The following ROBO3 variants were observed in gnomAD, a reference collection of about 807,000 sequenced individuals.
ROBO3 encodes the protein roundabout guidance receptor 3, also known as roundabout homolog 3.
ROBO3 carries 97 observed loss-of-function variants against 160.5 expected under a neutral mutation model. The ratio of observed to expected loss-of-function variants is 0.60; its 90% CI spans 0.51 to 0.72. The LOEUF is 0.72. Among genes scored for constraint, ROBO3 ranks in the 30% least tolerant of loss-of-function variants. The pLI, the probability that ROBO3 is intolerant of heterozygous loss-of-function variation, is 0.00. For synonymous variants in ROBO3, 780 were observed against 746.2 expected (o/e 1.05, Z -0.74); for missense variants, 1,858 against 1,846.5 (o/e 1.01, Z -0.11).
rs776916247 is a variant in ROBO3 at position 124,877,498 on chromosome 11, C to G, written c.2847-21C>G. ...GCCTCTTCAGGCTCTCCGTCCCCAACGCTCACCTGCTCTCCCTCAGGCCAC... is the reference window on the plus strand; with the variant it reads ...GCCTCTTCAGGCTCTCCGTCCCCAAGGCTCACCTGCTCTCCCTCAGGCCAC... On this transcript the variant is annotated intron_variant, in intron 19 of 27. Coordinates refer to ENST00000397801, the MANE Select transcript of ROBO3 (RefSeq NM_022370.4). 9 of 1,600,038 alleles carry G rather than the reference C, an allele frequency of 5.6e-6. No homozygotes were observed. The East Asian group carries it at 9.1e-5, about 16-fold the overall frequency.
chr11:124,875,677 G>C lies in ROBO3; in HGVS notation c.2413G>C (p.Glu805Gln). 6.2e-7 allele frequency: 1 copy of C among 1,607,494 alleles called. No individual in the cohort carries two copies. The highest frequency in any genetic ancestry group is 1.7e-5 in the Admixed American group (1 of 58,542). Residue 805 changes from glutamate to glutamine, a missense_variant, in exon 15 of 28, where the codon GAA becomes CAA. Glu to Gln is a conservative substitution (Grantham distance 29). Coordinates refer to ENST00000397801, the MANE Select transcript of ROBO3 (RefSeq NM_022370.4). ...CTCCCAGCAAAATGGGGTCATCACG[G>C]AATACCAGGTAGAGGGATTGAGGAG... ...LPSQQNGVIT[E>Q]YQIWCLGNES...
intron 6 of ROBO3, 124 bp downstream of exon 6, chr11:124,870,852 G>C (rs1284848098): frequency 6.6e-7 from 1 of 1,519,964 alleles, no homozygotes; most frequent in Non-Finnish European, 9.0e-7. Flanking sequence ...TGAGACTTCT[G>C]CAAGGAGTGG....
rs1946306421 is a variant in ROBO3 at position 124,873,494 on chromosome 11, C to G, written c.1618+103C>G. 1.7e-6 allele frequency: 2 copies of G among 1,146,158 alleles called. No homozygotes were observed. Among genetic ancestry groups the G allele is most frequent in the Non-Finnish European group, 2.6e-6 (2 of 782,954 alleles). The allele number at this position is 1,146,158 out of a possible 1,614,324, so 71.0% of individuals were successfully genotyped here. Reference sequence around the variant, plus strand: ...AAACTCCGGGATTAACTTTATGTCACAAATGCCATGGTTACGGTGGTGAGG... The same window carrying G: ...AAACTCCGGGATTAACTTTATGTCAGAAATGCCATGGTTACGGTGGTGAGG... On this transcript the variant is annotated intron_variant, in intron 10 of 27. Coordinates refer to ENST00000397801, the MANE Select transcript of ROBO3 (RefSeq NM_022370.4). This position sits in a 1 kb window ranked among gnomAD's most constrained non-coding sequence, Gnocchi z 4.5.
chr11:124,875,884 G>C, intron 15 of ROBO3, 70 bp from the exon 16 acceptor site: 1 of 1,524,872 alleles, frequency 6.6e-7, no homozygotes, highest in Non-Finnish European at 8.9e-7. Context: ...CTACCATTTG[G>C]AGCCTTAAGT....
Position 124,874,834 on chromosome 11 carries a change from G to A in ROBO3, c.1998G>A (p.Gln666=), listed in dbSNP as rs1000566338. The A allele has an allele frequency of 1.2e-6, 2 of 1,603,560 alleles. No individual in the cohort carries two copies. Among genetic ancestry groups the A allele is most frequent in the Admixed American group, 1.7e-5 (1 of 58,428 alleles). The stretch of plus-strand genomic sequence containing the variant: ...TGGAGGACCCATGGAGAGGCCAGCA[G>A]GGACTGGCGGAAGTGGCTGTGCGCC... ...RPVEDPWRGQ[Q]GLAEVAVRLQ... Residue 666 remains glutamine (Q), a synonymous_variant, in exon 13 of 28, where the codon CAG becomes CAA. Coordinates refer to ENST00000397801, the MANE Select transcript of ROBO3 (RefSeq NM_022370.4).
chr11:124,877,288 G>T lies in ROBO3; in HGVS notation c.2825G>T (p.Gly942Val). 3 of 1,613,890 alleles carry T rather than the reference G, an allele frequency of 1.9e-6. No individual in the cohort carries two copies. Among genetic ancestry groups the T allele is most frequent in the Non-Finnish European group, 2.5e-6 (3 of 1,179,860 alleles). Residue 942 changes from glycine to valine, a missense_variant, in exon 19 of 28, where the codon GGC becomes GTC. Physicochemically the swap from Gly to Val is moderately radical, Grantham distance 109. Coordinates refer to ENST00000397801, the MANE Select transcript of ROBO3 (RefSeq NM_022370.4). ...CCAGTGTCCTTCCCGCACTCAGAGGGCCTCTCTGGAGCCAGTTCCAGGTAA... is the reference window on the plus strand; with the variant it reads ...CCAGTGTCCTTCCCGCACTCAGAGGTCCTCTCTGGAGCCAGTTCCAGGTAA... ...TPAVSFPHSE[G>V]LSGASSRPPM...
rs1946256386 is a variant in ROBO3 at position 124,869,878 on chromosome 11, C to T, written c.646-70C>T. The T allele has an allele frequency of 5.3e-6, 8 of 1,503,528 alleles. No homozygotes were observed. In the South Asian group the frequency reaches 9.6e-5, roughly 18 times the overall value. The allele number at this position is 1,503,528 out of a possible 1,614,324, so 93.1% of individuals were successfully genotyped here. ...TAAACTTTATACATATGTATATACACATATATTCACCATATATATATACGC... is the reference window on the plus strand; with the variant it reads ...TAAACTTTATACATATGTATATACATATATATTCACCATATATATATACGC... On this transcript the variant is annotated intron_variant, in intron 3 of 27. Coordinates refer to ENST00000397801, the MANE Select transcript of ROBO3 (RefSeq NM_022370.4). This position sits in a 1 kb window ranked among gnomAD's most constrained non-coding sequence, Gnocchi z 4.2.
rs1215803284 is a variant in ROBO3, at chr11:124,879,584, G to T, written c.3796+9G>T. On this transcript the variant is annotated intron_variant, in intron 25 of 27. Coordinates refer to ENST00000397801, the MANE Select transcript of ROBO3 (RefSeq NM_022370.4). ...GGAGAACAGTCCTGGGGGTGAGGGG[G>T]GATGCACCTGGGAGATGGTGACAGT... 6.2e-7 allele frequency: 1 copy of T among 1,605,602 alleles called. No individual in the cohort carries two copies. Among genetic ancestry groups the T allele is most frequent in the East Asian group, 2.2e-5 (1 of 44,766 alleles).
chr11:124,880,819 C>T (rs537352422), intron 27 of ROBO3, among the ~76,000 whole-genome samples: 18 of 152,092 alleles, frequency 1.2e-4, no homozygotes, highest in South Asian at 2.1e-4. Flanking sequence ...TTTGGGAGAC[C>T]GAGATGGGCG....
chr11:124,873,434 C>G lies in ROBO3; in HGVS notation c.1618+43C>G. 1 of 1,520,940 alleles carries G rather than the reference C, an allele frequency of 6.6e-7. No homozygotes were observed. The highest frequency in any genetic ancestry group is 9.0e-7 in the Non-Finnish European group (1 of 1,108,882). The allele number at this position is 1,520,940 out of a possible 1,614,324, so 94.2% of individuals were successfully genotyped here. ...TCCCTTATTTTGATAATACCTTCCTCCAAACCTGCTTCAACAGGTAGTCGA... is the reference window on the plus strand; with the variant it reads ...TCCCTTATTTTGATAATACCTTCCTGCAAACCTGCTTCAACAGGTAGTCGA... On this transcript the variant is annotated intron_variant, in intron 10 of 27. Coordinates refer to ENST00000397801, the MANE Select transcript of ROBO3 (RefSeq NM_022370.4). The surrounding 1 kb of genome is among the most constrained non-coding windows in gnomAD (Gnocchi z 4.5).
rs1208802514 is a variant in ROBO3 at position 124,870,193 on chromosome 11, G to A, written c.795G>A (p.Val265=). ...LERPSFLRRP[V]NQVVLADAPV... is the part of the protein sequence containing the mutation. ...GTCCCTCATTCCTGCGCAGACCAGT[G>A]AATCAGGTGGTCCTGGCTGATGCCC... The change falls in exon 5 of 28, where the codon GTG becomes GTA. Residue 265 remains valine (V), a synonymous_variant. Transcript: ENST00000397801. 1 of 1,614,056 alleles carries A rather than the reference G, an allele frequency of 6.2e-7. No individual in the cohort carries two copies. Among genetic ancestry groups the A allele is most frequent in the East Asian group, 2.2e-5 (1 of 44,878 alleles).
rs1441882894 is a variant in ROBO3, at chr11:124,879,436, A to G, written c.3686-29A>G. ...TTTTTCCTGATTTTTGCCCTTACCC[A>G]TTCCTCTTCCCGTCTCCTAACACTG... On this transcript the variant is annotated intron_variant, in intron 24 of 27. Coordinates refer to ENST00000397801, the MANE Select transcript of ROBO3 (RefSeq NM_022370.4). 2.5e-6 allele frequency: 4 copies of G among 1,611,058 alleles called. No individual in the cohort carries two copies. The African/African-American group carries it at 5.4e-5, about 22-fold the overall frequency.
At chr11:124,875,370 G>A in intron 14 of ROBO3, 34 bp downstream of exon 14, 2 of 1,328,584 alleles carry the variant, frequency 1.5e-6, no homozygotes, top group Non-Finnish European at 2.1e-6. Flanking sequence ...GGATGGACAA[G>A]AGGGAAGAAG....
intron 26 of ROBO3, 108 bp downstream of exon 26, chr11:124,880,056 T>G (rs1416070466): frequency 2.6e-6 from 3 of 1,134,288 alleles, no homozygotes; most frequent in Non-Finnish European, 3.7e-6. Flanking sequence ...GTTAGGTTCA[T>G]GCATTTGATC....
chr11:124,877,578 C>T lies in ROBO3; in HGVS notation c.2906C>T (p.Pro969Leu), dbSNP rs1226401760. The T allele has an allele frequency of 1.2e-6, 2 of 1,604,100 alleles. No individual in the cohort carries two copies. Among genetic ancestry groups the T allele is most frequent in the Admixed American group, 3.4e-5 (2 of 58,598 alleles). Residue 969 changes from proline (P) to leucine (L), a missense_variant, in exon 20 of 28, where the codon CCA becomes CTA. Coordinates refer to ENST00000397801, the MANE Select transcript of ROBO3 (RefSeq NM_022370.4). ...YSWLADSWPH[P>L]SRSPSAQEPR... ...TGGCTGGCAGATTCGTGGCCCCACC[C>T]ATCTCGAAGCCCCTCGGCCCAGGAA...
intron 13 of ROBO3, 96 bp from the exon 14 acceptor site, chr11:124,875,015 C>T (rs771165090): frequency 7.4e-5 from 112 of 1,512,780 alleles, no homozygotes; most frequent in Non-Finnish European, 9.6e-5. Context: ...CTGGGGAAGG[C>T]GGCATGAGTG....
In ROBO3 at chr11:124,878,888, A is replaced by T. The variant is rs748486476; in HGVS notation, c.3533+92A>T. 1.4e-5 allele frequency: 16 copies of T among 1,135,266 alleles called. No individual in the cohort carries two copies. Among genetic ancestry groups the T allele is most frequent in the African/African-American group, 3.1e-5 (2 of 65,466 alleles). 70.3% of individuals were successfully genotyped at this position (1,135,266 alleles called of 1,614,324 possible). On this transcript the variant is annotated intron_variant, in intron 23 of 27. Transcript: ENST00000397801. The surrounding 1 kb of genome is among the most constrained non-coding windows in gnomAD (Gnocchi z 4.3). ...GGTGGGTGGATGGATGGATGGGTGG[A>T]TGGATCTGGGGTACAGAGGTCTCAG...
At position 124,877,037 on chromosome 11, in the gene ROBO3, G is replaced by A. The variant is rs1946395583; in HGVS notation, c.2780-124G>A. On this transcript the variant is annotated intron_variant, in intron 17 of 27. Coordinates refer to ENST00000397801, the MANE Select transcript of ROBO3 (RefSeq NM_022370.4). ...ACCCCCGAGAAATTCTGATGAAATG[G>A]GTCCAGGGTGCAGCCTGAGTGGTGG... 2.8e-6 allele frequency: 3 copies of A among 1,060,066 alleles called. No individual in the cohort carries two copies. The Admixed American group carries it at 5.1e-5, about 18-fold the overall frequency. The allele number at this position is 1,060,066 out of a possible 1,614,324, so 65.7% of individuals were successfully genotyped here.
In ROBO3 at chr11:124,870,520, T is replaced by A. The variant is rs564171638; in HGVS notation, c.906-81T>A. The A allele has an allele frequency of 1.3e-4, 206 of 1,595,338 alleles. 1 individual carries two copies. The East Asian group carries it at 4.6e-3, about 36-fold the overall frequency. On this transcript the variant is annotated intron_variant, in intron 5 of 27. Coordinates refer to ENST00000397801, the MANE Select transcript of ROBO3 (RefSeq NM_022370.4). The stretch of plus-strand genomic sequence containing the variant: ...TGGGTCCTGCCTGTCTTTAAGTACC[T>A]TGACCCTGGTGTCTGTCCTGGGGGA...
Sources: allele counts gnomAD v4.1 joint callset (sites outside exome capture counted in the v4.1 genomes callset), GRCh38; gene constraint gnomAD v4.1.1; non-coding constraint Gnocchi (gnomAD v3.1); transcripts MANE v1.5; gene names NCBI Gene and HGNC (gene_info 2026-07-23, HGNC 2026-07-21).